GRIK2: variants seen among roughly 807,000 people sequenced by gnomAD.
GRIK2 encodes the protein glutamate receptor ionotropic, kainate 2.
GRIK2 carries 32 observed loss-of-function variants against 100.3 expected under a neutral mutation model. The ratio of observed to expected loss-of-function variants is 0.32; its 90% confidence interval spans 0.24 to 0.43. The LOEUF (loss-of-function observed/expected upper bound fraction) is 0.43. GRIK2 is among the 20% of genes least tolerant of loss of function. The probability of loss-of-function intolerance (pLI) is 1.00; values close to 1 mark genes in which losing one functional copy is unlikely to be tolerated. For synonymous variants in GRIK2, 417 were observed against 389.4 expected, an observed-to-expected ratio of 1.07 and a Z score of -0.83; for missense variants, 843 against 1,114.9, an observed-to-expected ratio of 0.76 and a Z score of 3.47.
chr6:101,680,045 G>A (rs554496947), intron 5 of GRIK2, among the ~76,000 whole-genome samples: 23 of 152,038 alleles, frequency 1.5e-4, no homozygotes, highest in Non-Finnish European at 3.1e-4. Flanking sequence ...GCCTCCCAGC[G>A]TTTTCTACGT....
At chr6:101,902,973 C>T (rs906243985) in intron 12 of GRIK2, among the ~76,000 whole-genome samples, 6 of 151,866 alleles carry the variant, frequency 4.0e-5, no homozygotes, top group African/African-American at 1.4e-4. Context: ...AAGGTGTTAT[C>T]AAGGAACCTA....
chr6:101,482,768 T>C (rs1023757612), intron 2 of GRIK2, among the ~76,000 whole-genome samples: 1 of 151,932 alleles, frequency 6.6e-6, no homozygotes, highest in African/African-American at 2.4e-5. Flanking sequence ...ACGAATGAGA[T>C]CATTGACTCA....
At chr6:101,437,850 A>G (rs572381020) in intron 2 of GRIK2, among the ~76,000 whole-genome samples, 2 of 151,968 alleles carry the variant, frequency 1.3e-5, no homozygotes, top group African/African-American at 4.8e-5. Context: ...TCCCTTATAT[A>G]CCCTTCCAAG....
intron 14 of GRIK2, 123 bp from the exon 15 acceptor site, chr6:102,035,213 ATTCCT>A: frequency 2.2e-5 from 7 of 325,088 alleles, no homozygotes; most frequent in Non-Finnish European, 2.8e-5. Flanking sequence ...ATATATATAT[ATTCCT>A]TAAAAATTAT....
chr6:102,032,371 C>T (rs949196016), intron 14 of GRIK2, among the ~76,000 whole-genome samples: 14 of 151,172 alleles, frequency 9.3e-5, no homozygotes, highest in South Asian at 8.3e-4. Context: ...AAATTATCTA[C>T]GAGAGGGGAG....
intron 7 of GRIK2, among the ~76,000 whole-genome samples, chr6:101,721,712 C>A (rs1228546435): frequency 6.6e-6 from 1 of 151,854 alleles, no homozygotes; most frequent in African/African-American, 2.4e-5. Context: ...TAAAACTATA[C>A]CACTTTCTCT....
rs754623777 is a variant in GRIK2, at chr6:101,686,379, T to C, written c.951+26T>C. 4 of 1,573,986 alleles carry C rather than the reference T, an allele frequency of 2.5e-6. No homozygotes were observed. In the East Asian group the frequency reaches 9.0e-5, roughly 35 times the overall value. ...GTATGAATACCCACTTAAAGATCAG[T>C]TTGTGTGTTTCTAAATAGTATTGCA... On this transcript the variant is annotated intron_variant, in intron 7 of 16. Coordinates refer to ENST00000369134, the MANE Select transcript of GRIK2 (RefSeq NM_021956.5).
intron 14 of GRIK2, among the ~76,000 whole-genome samples, chr6:102,016,557 A>T (rs747547405): frequency 8.6e-5 from 13 of 151,392 alleles, no homozygotes; most frequent in African/African-American, 1.9e-4. Flanking sequence ...AATAAATAAA[A>T]AAATTCAAAA....
At chr6:101,879,101 G>A (rs1171107420) in intron 11 of GRIK2, among the ~76,000 whole-genome samples, 3 of 151,984 alleles carry the variant, frequency 2.0e-5, no homozygotes, top group Admixed American at 6.6e-5. Context: ...ACTGCAGACC[G>A]TCTCTCAAAA....
intron 2 of GRIK2, among the ~76,000 whole-genome samples, chr6:101,523,191 C>A (rs1774966111): frequency 6.6e-6 from 1 of 152,114 alleles, no homozygotes; most frequent in Admixed American, 6.6e-5. Context: ...TAAGAGAAAA[C>A]TTCGACTTTT....
chr6:101,640,943 A>G (rs1418916098), intron 4 of GRIK2, among the ~76,000 whole-genome samples: 1 of 152,180 alleles, frequency 6.6e-6, no homozygotes, highest in Admixed American at 6.6e-5. Context: ...TTAAACAAGC[A>G]TAATTTTTTA....
At chr6:101,505,125 C>A (rs1773958198) in intron 2 of GRIK2, among the ~76,000 whole-genome samples, 1 of 150,682 alleles carries the variant, frequency 6.6e-6, no homozygotes, top group African/African-American at 2.4e-5. Flanking sequence ...AGTATTTGGT[C>A]AATTTGATAT....
At chr6:101,681,890 G>T (rs1161887977) in intron 5 of GRIK2, among the ~76,000 whole-genome samples, 1 of 152,122 alleles carries the variant, frequency 6.6e-6, no homozygotes, top group Non-Finnish European at 1.5e-5. Flanking sequence ...TTTTTGGAGA[G>T]AAAATGACAT....
chr6:101,714,839 A>T (rs1487093398), intron 7 of GRIK2, among the ~76,000 whole-genome samples: 1 of 151,760 alleles, frequency 6.6e-6, no homozygotes, highest in African/African-American at 2.4e-5. Context: ...ATTTTTTTAA[A>T]GTCTATAATG....
intron 7 of GRIK2, among the ~76,000 whole-genome samples, chr6:101,762,389 C>A (rs1777784110): frequency 6.6e-6 from 1 of 151,866 alleles, no homozygotes; most frequent in African/African-American, 2.4e-5. Context: ...TGCTATGCTG[C>A]CCAAGTTGGT....
intron 11 of GRIK2, among the ~76,000 whole-genome samples, chr6:101,872,462 T>G (rs1426159883): frequency 6.6e-6 from 1 of 151,770 alleles, no homozygotes. Flanking sequence ...GAGAACTCAC[T>G]CACTATCATG....
At chr6:101,539,133 T>C (rs1458717803) in intron 2 of GRIK2, among the ~76,000 whole-genome samples, 3 of 151,774 alleles carry the variant, frequency 2.0e-5, no homozygotes, top group South Asian at 2.1e-4. Flanking sequence ...ATTAGTTAGA[T>C]AATGATTAAC....
rs1413574992 is a variant in GRIK2, at chr6:101,760,505, T to C, written c.952-39143T>C. ...TTATATATAATTAATTATATTTAAT[T>C]ATATATTTATTATATATAATTAATT... On this transcript the variant is annotated intron_variant, in intron 7 of 16. Coordinates refer to ENST00000369134, the MANE Select transcript of GRIK2 (RefSeq NM_021956.5). Among the ~76,000 whole-genome samples, 10 of 47,958 alleles carry C rather than the reference T, an allele frequency of 2.1e-4. No individual in the cohort carries two copies. In the South Asian group the frequency reaches 6.5e-3, roughly 31 times the overall value. The allele number at this position is 47,958 out of a possible 152,430, so 31.5% of individuals were successfully genotyped here. A position where few individuals can be genotyped will look rare whatever the true frequency, so the allele number is the denominator to read the frequency against.
At chr6:101,598,928 T>G (rs150367485) in intron 2 of GRIK2, among the ~76,000 whole-genome samples, 322 of 151,764 alleles carry the variant, frequency 2.1e-3, no homozygotes, top group Middle Eastern at 6.8e-3. Flanking sequence ...TTAATTTTAA[T>G]TTTAGATTCA....
Sources: allele counts gnomAD v4.1 joint callset (sites outside exome capture counted in the v4.1 genomes callset), GRCh38; gene constraint gnomAD v4.1.1; transcripts MANE v1.5; gene names NCBI Gene and HGNC (gene_info 2026-07-23, HGNC 2026-07-21).